The following ST6GAL2 variants were observed in gnomAD, a reference collection of about 807,000 sequenced individuals.
The protein encoded by ST6GAL2 is beta-galactoside alpha-2,6-sialyltransferase 2.
A neutral mutation model predicts 37.5 loss-of-function variants in ST6GAL2; 24 were observed. The ratio of observed to expected loss-of-function variants is 0.64; its 90% CI spans 0.46 to 0.90. The LOEUF (loss-of-function observed/expected upper bound fraction) is 0.90, where lower values mean the gene tolerates loss of function less well. ST6GAL2 is among the 40% of genes least tolerant of loss of function. The pLI is 0.00. For missense variants in ST6GAL2, 715 were observed against 712.7 expected (o/e 1.00, Z -0.04); for synonymous variants, 306 against 295.1 (o/e 1.04, Z -0.38).
At chr2:106,847,991 CG>C (rs1412556683) in intron 1 of ST6GAL2, among the ~76,000 whole-genome samples, 1 of 151,698 alleles carries the variant, frequency 6.6e-6, no homozygotes, top group Non-Finnish European at 1.5e-5. Flanking sequence ...CCCTGGATGC[CG>C]GGCAGCCCAA....
chr2:106,834,189 A>T, intron 2 of ST6GAL2, 43 bp from the exon 3 acceptor site: 1 of 1,400,428 alleles, frequency 7.1e-7, no homozygotes, highest in Non-Finnish European at 1.0e-6. Flanking sequence ...TTCTCTGTAG[A>T]ATCACATAAT....
chr2:106,852,991 G>A (rs75384683), intron 1 of ST6GAL2, among the ~76,000 whole-genome samples: 2,028 of 152,240 alleles, frequency 0.013, 47 homozygotes, highest in African/African-American at 0.045. Context: ...TGAAAGCTCC[G>A]AGTGGTTCCC....
At position 106,843,867 on chromosome 2, in the gene ST6GAL2, C is replaced by T. The variant is rs1355779095; in HGVS notation, c.111G>A (p.Glu37=). The change falls in exon 2 of 6, where the codon GAG becomes GAA. Residue 37 remains glutamate, a synonymous_variant. Transcript: ENST00000409382. ...GGAAGGAGAGGGAGCTGGGTACAGG[C>T]TCAGCGGGGTTGCTGTCGGTGAAGT... The part of the protein sequence containing the change: ...FIYFTDSNPA[E]PVPSSLSFLE... The T allele has an allele frequency of 6.2e-7, 1 of 1,610,962 alleles. No individual in the cohort carries two copies. The highest frequency in any genetic ancestry group is 1.7e-5 in the Admixed American group (1 of 60,000).
intron 1 of ST6GAL2, among the ~76,000 whole-genome samples, chr2:106,858,789 G>A (rs7562032): frequency 0.36 from 54,037 of 151,918 alleles, 10,380 homozygotes; most frequent in Non-Finnish European, 0.44. Context: ...GATCCACTCT[G>A]CACCTCTGCA....
chr2:106,831,515 A>T (rs1187850234), intron 4 of ST6GAL2, among the ~76,000 whole-genome samples: 1 of 152,202 alleles, frequency 6.6e-6, no homozygotes, highest in Non-Finnish European at 1.5e-5. Context: ...CTGATGCTTG[A>T]TTCTCAGCGG....
Position 106,843,077 on chromosome 2 carries a change from A to G in ST6GAL2, c.901T>C (p.Ser301Pro), listed in dbSNP as rs1242196059. ...RGLRSCAVVM[S>P]AGAILNSSLG... ...GAAGAGTTGAGGATTGCGCCTGCAG[A>G]CATGACGACAGCGCAGCTGCGCAGG... The change falls in exon 2 of 6, where the codon TCT becomes CCT. Residue 301 changes from serine to proline, a missense_variant. Physicochemically the swap from Ser to Pro is moderately conservative, Grantham distance 74. Transcript: ENST00000409382. The G allele has an allele frequency of 4.0e-6, 6 of 1,493,356 alleles. No homozygotes were observed. The highest frequency in any genetic ancestry group is 5.3e-6 in the Non-Finnish European group (6 of 1,124,628). 92.5% of individuals were successfully genotyped at this position (1,493,356 alleles called of 1,614,324 possible).
intron 1 of ST6GAL2, among the ~76,000 whole-genome samples, chr2:106,848,273 C>T (rs1318074801): frequency 6.6e-6 from 1 of 152,090 alleles, no homozygotes; most frequent in African/African-American, 2.4e-5. Context: ...TGAAAACAGT[C>T]CTATCGCTAA....
At position 106,843,252 on chromosome 2, in the gene ST6GAL2, C is replaced by A. The variant is rs200008074; in HGVS notation, c.726G>T (p.Arg242=). The A allele has an allele frequency of 1.1e-4, 174 of 1,593,800 alleles. No homozygotes were observed. The highest frequency in any genetic ancestry group is 6.8e-5 in the Non-Finnish European group (79 of 1,169,898). Residue 242 remains arginine (R), a synonymous_variant, in exon 2 of 6, where the codon CGG becomes CGT. Transcript: ENST00000409382. ...GCTGTGCCCTGCTCAGCCCGGCCTC[C>A]CGCTTCCCGCGGAAGCGCACCCCGT... ...NKHGVRFRGK[R]EAGLSRAQLL...
At chr2:106,882,717 T>C (rs559965190) in intron 1 of ST6GAL2, among the ~76,000 whole-genome samples, 1 of 152,318 alleles carries the variant, frequency 6.6e-6, no homozygotes, top group Non-Finnish European at 1.5e-5. Context: ...CACTGGCCAA[T>C]AGCTTTCCTT....
chr2:106,845,809 G>A (rs1053450449), intron 1 of ST6GAL2, among the ~76,000 whole-genome samples: 5 of 152,150 alleles, frequency 3.3e-5, no homozygotes, highest in African/African-American at 1.2e-4. Flanking sequence ...AATAAGGACA[G>A]GCTCAATGAC....
intron 5 of ST6GAL2, among the ~76,000 whole-genome samples, chr2:106,821,791 G>A (rs927589874): frequency 5.3e-5 from 8 of 151,840 alleles, no homozygotes; most frequent in Admixed American, 2.0e-4. Flanking sequence ...TGAATTCAAC[G>A]ACACATTAAA....
intron 1 of ST6GAL2, among the ~76,000 whole-genome samples, chr2:106,859,625 C>T (rs1445708050): frequency 6.6e-6 from 1 of 152,198 alleles, no homozygotes; most frequent in Admixed American, 6.5e-5. Context: ...ATCCCAACCA[C>T]CAGCAAACCC....
chr2:106,882,810 A>C (rs530573487), intron 1 of ST6GAL2, among the ~76,000 whole-genome samples: 2 of 152,296 alleles, frequency 1.3e-5, no homozygotes, highest in East Asian at 3.9e-4. Context: ...CATGCCTTCA[A>C]TTTGGACTTC....
rs561506835 is a variant in ST6GAL2, at chr2:106,884,934, T to C, written c.-58+1159A>G. The stretch of plus-strand genomic sequence containing the variant: ...ATATATATATATATATATATATATA[T>C]ACATACACACACACACATATATACA... On this transcript the variant is annotated intron_variant, in intron 1 of 5. Transcript: ENST00000409382. Among the ~76,000 whole-genome samples, 677 of 120,438 alleles carry C rather than the reference T, an allele frequency of 5.6e-3. 19 individuals carry two copies. The highest frequency in any genetic ancestry group is 0.021 in the African/African-American group (587 of 28,144). The allele number at this position is 120,438 out of a possible 152,430, so 79.0% of individuals were successfully genotyped here.
At chr2:106,811,546 A>G (rs17033303) in intron 5 of ST6GAL2, among the ~76,000 whole-genome samples, 12,339 of 152,282 alleles carry the variant, frequency 0.081, 1,189 homozygotes, top group East Asian at 0.49. Context: ...GATATTAAAT[A>G]AAACTAAAGA....
In ST6GAL2 at chr2:106,843,312, C is replaced by T. The variant is rs990677874; in HGVS notation, c.666G>A (p.Gln222=). 7 of 1,613,774 alleles carry T rather than the reference C, an allele frequency of 4.3e-6. No individual in the cohort carries two copies. The highest frequency in any genetic ancestry group is 1.3e-5 in the African/African-American group (1 of 74,948). ...VSSKMLNPRL[Q]KAMKDYLTAN... ...CGGTCAGGTAATCCTTCATCGCCTT[C>T]TGCAGGCGCGGGTTCAGCATTTTGG... Residue 222 remains glutamine, a synonymous_variant, in exon 2 of 6, where the codon CAG becomes CAA. Transcript: ENST00000409382.
chr2:106,842,982 C>G (rs1019890995), intron 2 of ST6GAL2, 53 bp downstream of exon 2: 2 of 1,285,656 alleles, frequency 1.6e-6, no homozygotes, highest in Non-Finnish European at 2.0e-6. Context: ...AACCGGCCCC[C>G]AGGGACACAC....
Position 106,802,705 on chromosome 2 carries a change from C to T in ST6GAL2, c.*3973G>A, listed in dbSNP as rs1675297044. On this transcript the variant is annotated 3_prime_UTR_variant, in exon 6 of 6. Transcript: ENST00000409382. ...GTAACCACTGGGTAAGAGTTCTAAA[C>T]TATCAGAAAGAGTTCTAAACTATCA... 6.7e-6 allele frequency: 1 copy of T among 149,012 alleles called. No individual in the cohort carries two copies. The highest frequency in any genetic ancestry group is 1.5e-5 in the Non-Finnish European group (1 of 65,914). 9.2% of individuals were successfully genotyped at this position (149,012 alleles called of 1,614,324 possible).
chr2:106,858,089 A>G (rs547297744), intron 1 of ST6GAL2, among the ~76,000 whole-genome samples: 2 of 152,374 alleles, frequency 1.3e-5, no homozygotes, highest in Admixed American at 6.5e-5. Context: ...TGTGAACAGC[A>G]GCATAAAAGC....
Sources: gnomAD v4.1 joint callset for allele counts (sites outside exome capture counted in the v4.1 genomes callset) on GRCh38, gnomAD v4.1.1 for gene constraint, MANE v1.5 for transcripts, NCBI Gene and HGNC (gene_info 2026-07-23, HGNC 2026-07-21) for gene names.